The following TBC1D4 variants were observed in gnomAD, a reference collection of about 807,000 sequenced individuals.
TBC1D4 encodes the protein TBC1 domain family member 4.
Under a neutral mutation model 142.5 loss-of-function variants are expected in TBC1D4, and 121 were observed. That is an observed-to-expected ratio of 0.85 (90% CI 0.73 to 0.99). TBC1D4 has a LOEUF of 0.99. TBC1D4 is among the 50% of genes least tolerant of loss of function. The pLI is 0.00. For missense variants in TBC1D4, 1,475 were observed against 1,606.6 expected (o/e 0.92, Z 1.40); for synonymous variants, 630 against 628.2 (o/e 1.00, Z -0.04).
At chr13:75,301,485 C>CA (rs1211280607) in intron 16 of TBC1D4, among the ~76,000 whole-genome samples, 54 of 148,650 alleles carry the variant, frequency 3.6e-4, no homozygotes, top group African/African-American at 9.6e-4. Context: ...ACTAAAAATA[C>CA]AAAAAAAAAA....
chr13:75,315,744 A>C, intron 12 of TBC1D4, among the ~76,000 whole-genome samples: 1 of 152,218 alleles, frequency 6.6e-6, no homozygotes, highest in East Asian at 1.9e-4. Context: ...ACAGACAAAA[A>C]TACTGGCTAG....
At chr13:75,302,473 T>C in intron 15 of TBC1D4, 72 bp from the exon 16 acceptor site, 1 of 1,578,456 alleles carries the variant, frequency 6.3e-7, no homozygotes, top group African/African-American at 1.3e-5. Flanking sequence ...GCTGATTCAC[T>C]ATATAATTCT....
intron 1 of TBC1D4, among the ~76,000 whole-genome samples, chr13:75,452,548 T>C (rs187490118): frequency 9.6e-4 from 146 of 152,358 alleles, no homozygotes; most frequent in African/African-American, 3.3e-3. Flanking sequence ...AAATGTTTTA[T>C]AGAAAATTTA....
intron 9 of TBC1D4, among the ~76,000 whole-genome samples, chr13:75,326,700 G>A (rs1176810580): frequency 6.6e-6 from 1 of 152,174 alleles, no homozygotes; most frequent in African/African-American, 2.4e-5. Context: ...GCCAGAAAGT[G>A]AGAGGGATGA....
chr13:75,372,111 T>C (rs555026431), intron 1 of TBC1D4, among the ~76,000 whole-genome samples: 7 of 152,272 alleles, frequency 4.6e-5, no homozygotes, highest in South Asian at 2.1e-4. Context: ...CATTTCTATA[T>C]GGAAAAATAA....
intron 13 of TBC1D4, 77 bp from the exon 14 acceptor site, chr13:75,310,228 T>C: frequency 7.2e-7 from 1 of 1,391,294 alleles, no homozygotes. Flanking sequence ...ATTCACATTC[T>C]CATCTGATCT....
Position 75,481,616 on chromosome 13 carries a change from G to C in TBC1D4, c.152C>G (p.Thr51Arg). ...CATGAGCCAGGGCAGCATAGGCAGC[G>C]TGGTCCTGTGGTCCAGGCACGACCC... The part of the protein sequence containing the change: ...VGGSCLDHRT[T>R]LPMLPWLMAE... Residue 51 changes from threonine to arginine, a missense_variant, in exon 1 of 21, where the codon ACG becomes AGG. By Grantham distance (71) the Thr-to-Arg change is moderately conservative (BLOSUM62 -1). Coordinates refer to ENST00000377636, the MANE Select transcript of TBC1D4 (RefSeq NM_014832.5). 2 of 1,608,370 alleles carry C rather than the reference G, an allele frequency of 1.2e-6. No homozygotes were observed. Among genetic ancestry groups the C allele is most frequent in the Non-Finnish European group, 1.7e-6 (2 of 1,177,734 alleles).
chr13:75,452,484 G>T (rs556884193), intron 1 of TBC1D4, among the ~76,000 whole-genome samples: 10 of 152,188 alleles, frequency 6.6e-5, no homozygotes, highest in Admixed American at 4.6e-4. Flanking sequence ...AAAAATGTGG[G>T]AATATAACTT....
intron 1 of TBC1D4, among the ~76,000 whole-genome samples, chr13:75,454,194 C>A (rs907062770): frequency 6.6e-6 from 1 of 151,910 alleles, no homozygotes; most frequent in Non-Finnish European, 1.5e-5. Context: ...AGTTCAAGAC[C>A]AGCCTGGGCA....
At chr13:75,424,108 T>A (rs1886275818) in intron 1 of TBC1D4, among the ~76,000 whole-genome samples, 2 of 151,730 alleles carry the variant, frequency 1.3e-5, no homozygotes, top group Non-Finnish European at 2.9e-5. Flanking sequence ...ACAAAACAAT[T>A]TAAAAATTCA....
intron 1 of TBC1D4, among the ~76,000 whole-genome samples, chr13:75,403,309 T>A (rs1022549902): frequency 6.6e-6 from 1 of 152,234 alleles, no homozygotes; most frequent in African/African-American, 2.4e-5. Context: ...AGTTCTAGTT[T>A]CGCAGCTAGC....
At chr13:75,346,590 T>C (rs1881170401) in intron 5 of TBC1D4, among the ~76,000 whole-genome samples, 2 of 152,362 alleles carry the variant, frequency 1.3e-5, no homozygotes, top group African/African-American at 2.4e-5. Context: ...CTAGTGTGGA[T>C]AGTGCTGCAA....
At position 75,294,891 on chromosome 13, in the gene TBC1D4, G is replaced by A. The variant is rs780793408; in HGVS notation, c.3279C>T (p.Ala1093=). ...CTACAAATCCTAATGAAAACTGAGA[G>A]GCAAACAATGTGAGGAACCAGGGGG... ...YAAPWFLTLF[A]SQFSLGFVAR... The change falls in exon 18 of 21, where the codon GCC becomes GCT. Residue 1093 remains alanine (A), a synonymous_variant. Transcript: ENST00000377636. 7 of 1,613,794 alleles carry A rather than the reference G, an allele frequency of 4.3e-6. No homozygotes were observed. The highest frequency in any genetic ancestry group is 1.1e-5 in the South Asian group (1 of 91,082).
chr13:75,314,962 A>T (rs1191797704), intron 12 of TBC1D4, among the ~76,000 whole-genome samples: 1 of 151,976 alleles, frequency 6.6e-6, no homozygotes. Flanking sequence ...CCTGGGCAAC[A>T]GAGCGAGGCT....
intron 1 of TBC1D4, among the ~76,000 whole-genome samples, chr13:75,436,664 A>G (rs1375623950): frequency 6.6e-6 from 1 of 151,988 alleles, no homozygotes; most frequent in African/African-American, 2.4e-5. Flanking sequence ...CTCCAAAAAA[A>G]AAAAACAAAA....
At chr13:75,361,878 T>A in intron 2 of TBC1D4, 148 bp downstream of exon 2, 1 of 953,148 alleles carries the variant, frequency 1.0e-6, no homozygotes, top group Admixed American at 2.2e-5. Context: ...GCACTCTTCC[T>A]CCACCTGCCT....
At chr13:75,379,015 C>T in intron 1 of TBC1D4, among the ~76,000 whole-genome samples, 1 of 152,054 alleles carries the variant, frequency 6.6e-6, no homozygotes, top group East Asian at 1.9e-4. Context: ...AGTCTTACTT[C>T]TATTTTCAGG....
chr13:75,351,440 T>A (rs148589346), intron 4 of TBC1D4, among the ~76,000 whole-genome samples: 3 of 152,108 alleles, frequency 2.0e-5, no homozygotes, highest in Non-Finnish European at 1.5e-5. Context: ...TATTATACTT[T>A]TAAGTTTTAG....
At position 75,362,500 on chromosome 13, in the gene TBC1D4, G is replaced by C. The variant is rs17254379; in HGVS notation, c.606C>G (p.Phe202Leu). 1 of 1,614,150 alleles carries C rather than the reference G, an allele frequency of 6.2e-7. No individual in the cohort carries two copies. The highest frequency in any genetic ancestry group is 1.1e-5 in the South Asian group (1 of 91,072). ...TCACCTTTCCACAGTACAGGACTTC[G>C]AACTTCTGAGAGTTGTAAAAGGCGT... The part of the protein sequence containing the change: ...NEDAFYNSQK[F>L]EVLYCGKVTV... Residue 202 changes from phenylalanine (F) to leucine (L), a missense_variant, in exon 2 of 21, where the codon TTC (phenylalanine) becomes TTG (leucine). This residue lies in a region of TBC1D4 where 1,227 missense variants were observed against 1,267.7 expected (regional missense o/e 0.97). Transcript: ENST00000377636. The surrounding 1 kb of genome is among the most constrained non-coding windows in gnomAD (Gnocchi z 4.2).
Sources: gnomAD v4.1 joint callset for allele counts (sites outside exome capture counted in the v4.1 genomes callset) on GRCh38, gnomAD v4.1.1 for gene constraint, gnomAD v4.1.1 regional missense constraint, Gnocchi (gnomAD v3.1) non-coding constraint, MANE v1.5 for transcripts, NCBI Gene and HGNC (gene_info 2026-07-23, HGNC 2026-07-21) for gene names.